Variants in PTPRD observed in about 807,000 individuals in gnomAD.
The protein encoded by PTPRD is protein tyrosine phosphatase receptor type D.
Under a neutral mutation model 214.5 loss-of-function variants are expected in PTPRD, and 34 were observed. That is an observed-to-expected ratio of 0.16 (90% CI 0.12 to 0.21). The LOEUF (loss-of-function observed/expected upper bound fraction) is 0.21, where lower values mean the gene tolerates loss of function less well. Ranked by LOEUF, PTPRD falls within the 10% of genes least tolerant of loss-of-function variation. The pLI is 1.00. For synonymous variants in PTPRD, 1,128 were observed against 845.7 expected (o/e 1.33, Z -5.79); for missense variants, 2,545 against 2,398.7 (o/e 1.06, Z -1.27).
chr9:9,313,654 AAG>A (rs893815560), intron 9 of PTPRD, among the ~76,000 whole-genome samples: 8 of 152,134 alleles, frequency 5.3e-5, no homozygotes, highest in African/African-American at 1.9e-4. Context: ...AGTAATTAGG[AAG>A]AGTGTTTTGC....
At chr9:9,889,079 A>T (rs1220611963) in intron 5 of PTPRD, among the ~76,000 whole-genome samples, 2 of 152,100 alleles carry the variant, frequency 1.3e-5, no homozygotes, top group Admixed American at 1.3e-4. Context: ...GATCTTATAT[A>T]AGTAGAGAGT....
intron 11 of PTPRD, among the ~76,000 whole-genome samples, chr9:8,902,177 G>A (rs1168575682): frequency 6.6e-6 from 1 of 152,056 alleles, no homozygotes; most frequent in East Asian, 1.9e-4. Flanking sequence ...CTAGGTATAT[G>A]TGTGTTTATG....
intron 5 of PTPRD, among the ~76,000 whole-genome samples, chr9:9,815,002 T>A (rs1014163961): frequency 6.6e-5 from 10 of 152,022 alleles, no homozygotes; most frequent in Admixed American, 2.0e-4. Flanking sequence ...GCTCAAGTGC[T>A]TCACCCACCT....
intron 32 of PTPRD, among the ~76,000 whole-genome samples, chr9:8,463,365 G>T (rs2096468091): frequency 6.8e-6 from 1 of 146,352 alleles, no homozygotes; most frequent in South Asian, 2.2e-4. Flanking sequence ...TGACACAAAG[G>T]ACTTGGCAAA....
intron 5 of PTPRD, among the ~76,000 whole-genome samples, chr9:9,836,524 T>C (rs1449384626): frequency 6.6e-6 from 1 of 152,108 alleles, no homozygotes; most frequent in Non-Finnish European, 1.5e-5. Flanking sequence ...CAATAATAGA[T>C]ATCAGCATTC....
chr9:10,612,642 C>G (rs948368011), intron 1 of PTPRD, 46 bp downstream of exon 1: 1 of 152,226 alleles, frequency 6.6e-6, no homozygotes, highest in Non-Finnish European at 1.5e-5. Flanking sequence ...AAAGCGCGCT[C>G]GGAAAGCCGG....
intron 10 of PTPRD, among the ~76,000 whole-genome samples, chr9:9,058,586 A>T (rs1327254335): frequency 6.7e-6 from 1 of 150,220 alleles, no homozygotes; most frequent in Non-Finnish European, 1.5e-5. Context: ...AGTAGCTGGG[A>T]CTACAGGCTC....
At chr9:10,379,242 T>G (rs987439738) in intron 2 of PTPRD, among the ~76,000 whole-genome samples, 3 of 148,450 alleles carry the variant, frequency 2.0e-5, no homozygotes, top group East Asian at 2.0e-4. Context: ...GTTCTAATAG[T>G]TTTTTTTGTG....
chr9:9,943,885 A>G (rs981938359), intron 4 of PTPRD, among the ~76,000 whole-genome samples: 6 of 152,142 alleles, frequency 3.9e-5, no homozygotes, highest in African/African-American at 7.2e-5. Flanking sequence ...TCTCATCCCA[A>G]TCTGCAAATT....
At chr9:9,487,477 C>T (rs950307992) in intron 8 of PTPRD, among the ~76,000 whole-genome samples, 6 of 151,956 alleles carry the variant, frequency 3.9e-5, no homozygotes, top group Non-Finnish European at 5.9e-5. Context: ...ATATTTGGGT[C>T]GGTTCCAAGT....
At chr9:10,444,156 T>C (rs2098781980) in intron 2 of PTPRD, among the ~76,000 whole-genome samples, 1 of 151,778 alleles carries the variant, frequency 6.6e-6, no homozygotes, top group Non-Finnish European at 1.5e-5. Context: ...ATAAAAGCCA[T>C]CAGCTTATGT....
At chr9:8,736,147 C>T (rs1307659848) in intron 11 of PTPRD, among the ~76,000 whole-genome samples, 5 of 152,108 alleles carry the variant, frequency 3.3e-5, no homozygotes, top group Admixed American at 2.6e-4. Flanking sequence ...AGAAGTGACA[C>T]AGGACTTAAG....
chr9:9,767,163 A>T (rs1271988855), intron 5 of PTPRD, among the ~76,000 whole-genome samples: 1 of 152,070 alleles, frequency 6.6e-6, no homozygotes, highest in Non-Finnish European at 1.5e-5. Context: ...ACAGATATCA[A>T]TTTTATGCAA....
chr9:8,615,152 G>A lies in PTPRD; in HGVS notation c.352+18165C>T, dbSNP rs564739545. On this transcript the variant is annotated intron_variant, in intron 14 of 45. Transcript: ENST00000381196. ...GCCACTGAAGCTGAGCACAGCTGAA[G>A]AAAGCACTCAATTAGCAACTCCAAC... Among the ~76,000 whole-genome samples the A allele has an allele frequency of 4.6e-5, 7 of 152,220 alleles. No individual in the cohort carries two copies. The South Asian group carries it at 1.2e-3, about 27-fold the overall frequency.
intron 9 of PTPRD, among the ~76,000 whole-genome samples, chr9:9,244,005 G>C (rs1047944479): frequency 2.0e-5 from 3 of 151,958 alleles, no homozygotes; most frequent in East Asian, 1.9e-4. Flanking sequence ...AACAGACAGA[G>C]AGCCAAATCA....
intron 8 of PTPRD, among the ~76,000 whole-genome samples, chr9:9,473,477 G>C (rs1054610781): frequency 3.3e-5 from 5 of 152,024 alleles, no homozygotes. Context: ...TCTTTCTTTG[G>C]AAAAATACCC....
chr9:9,093,125 G>C (rs1320817564), intron 10 of PTPRD, among the ~76,000 whole-genome samples: 6 of 151,976 alleles, frequency 3.9e-5, no homozygotes, highest in Non-Finnish European at 8.8e-5. Flanking sequence ...AATCAACCTA[G>C]AACACATAAC....
chr9:9,673,691 T>C (rs932133484), intron 7 of PTPRD, among the ~76,000 whole-genome samples: 5 of 150,286 alleles, frequency 3.3e-5, no homozygotes, highest in African/African-American at 1.2e-4. Context: ...GATACAGGAA[T>C]CAAAACCTAT....
chr9:9,365,851 T>C (rs1218277364), intron 9 of PTPRD, among the ~76,000 whole-genome samples: 1 of 151,542 alleles, frequency 6.6e-6, no homozygotes, highest in African/African-American at 2.4e-5. Context: ...ACTCTAGTTA[T>C]ATTATACAGC....
Sources: allele counts gnomAD v4.1 joint callset (sites outside exome capture counted in the v4.1 genomes callset), GRCh38; gene constraint gnomAD v4.1.1; transcripts MANE v1.5; gene names NCBI Gene and HGNC (gene_info 2026-07-23, HGNC 2026-07-21).